CKLF: variants seen among roughly 807,000 people sequenced by gnomAD.
CKLF encodes chemokine like factor, also known as chemokine-like factor.
A neutral mutation model predicts 12.9 loss-of-function variants in CKLF; 16 were observed. That is an observed-to-expected ratio of 1.24 (90% CI 0.84 to 1.88). The LOEUF is 1.88. Among genes scored for constraint, CKLF ranks in the 40% most tolerant of loss-of-function variants. The pLI is 0.00. For synonymous variants in CKLF, 61 were observed against 69.0 expected (o/e 0.88, Z 0.57); for missense variants, 172 against 188.5 (o/e 0.91, Z 0.51).
Position 66,552,593 on chromosome 16 carries a change from G to C in CKLF, c.-123G>C, listed in dbSNP as rs879520049. 2 of 1,487,360 alleles carry C rather than the reference G, an allele frequency of 1.3e-6. No homozygotes were observed. The highest frequency in any genetic ancestry group is 2.8e-5 in the African/African-American group (2 of 72,194). 92.1% of individuals were successfully genotyped at this position (1,487,360 alleles called of 1,614,324 possible). A position where few individuals can be genotyped will look rare whatever the true frequency, so the allele number is the denominator to read the frequency against. ...CGCAAGAGAGCGGGAAGCCGAGCTGGGCGAGAAGTAGGGGAGGGCGGTGCT... is the reference window on the plus strand; with the variant it reads ...CGCAAGAGAGCGGGAAGCCGAGCTGCGCGAGAAGTAGGGGAGGGCGGTGCT... On this transcript the variant is annotated 5_prime_UTR_variant, in exon 1 of 4. Coordinates refer to ENST00000264001, the MANE Select transcript of CKLF (RefSeq NM_016951.4).
chr16:66,566,287 G>T (rs974529486), downstream of CKLF: 1 of 1,445,348 alleles, frequency 6.9e-7, no homozygotes, highest in Admixed American at 2.8e-5. This position sits in a 1 kb window ranked among gnomAD's most constrained non-coding sequence, Gnocchi z 4.9. Flanking sequence ...CGGCAGCTCC[G>T]AGGTGTGGGG....
chr16:66,558,897 CAT>C lies in CKLF; in HGVS notation c.237+553_237+554del, dbSNP rs745368547. Among the ~76,000 whole-genome samples the C allele has an allele frequency of 2.0e-5, 3 of 152,322 alleles. No individual in the cohort carries two copies. In the South Asian group the frequency reaches 6.2e-4, roughly 32 times the overall value. On this transcript the variant is annotated intron_variant, in intron 2 of 3. Transcript: ENST00000264001. ...TATATAGACTGTAACCTGCCATACT[CAT>C]ATAATTAGGAATAACTGCCCAGTGG...
intron 3 of CKLF, 138 bp downstream of exon 3, chr16:66,563,355 T>A: frequency 9.8e-7 from 1 of 1,016,832 alleles, no homozygotes; most frequent in Non-Finnish European, 1.4e-6. Context: ...CCTAGTGGCT[T>A]AATATTTTTG....
chr16:66,561,891 T>TA (rs1157653446), intron 2 of CKLF, among the ~76,000 whole-genome samples: 2 of 152,216 alleles, frequency 1.3e-5, no homozygotes, highest in Non-Finnish European at 2.9e-5. Context: ...ACATCCATTT[T>TA]AAAAATGTAA....
chr16:66,559,043 C>T (rs1024665588), intron 2 of CKLF, among the ~76,000 whole-genome samples: 1 of 152,146 alleles, frequency 6.6e-6, no homozygotes, highest in Admixed American at 6.5e-5. Flanking sequence ...GTGACTTCTC[C>T]TCTGTCCTCT....
At chr16:66,566,249 C>G, downstream of CKLF, 1 of 1,462,306 alleles carries the variant, frequency 6.8e-7, no homozygotes. The surrounding 1 kb of genome is among the most constrained non-coding windows in gnomAD (Gnocchi z 4.9). Flanking sequence ...CCTCAGGGAT[C>G]TTTGAATCTC....
intron 2 of CKLF, chr16:66,558,564 AT>A: frequency 2.1e-6 from 1 of 478,444 alleles, no homozygotes; most frequent in Non-Finnish European, 3.5e-6. Context: ...TGCACCATCT[AT>A]CAGTAGATGT....
chr16:66,560,802 C>T (rs1451345328), intron 2 of CKLF, among the ~76,000 whole-genome samples: 3 of 115,434 alleles, frequency 2.6e-5, no homozygotes, highest in East Asian at 4.5e-4. Flanking sequence ...TAAGTATACA[C>T]ACACACACAC....
At position 66,552,707 on chromosome 16, in the gene CKLF, G is replaced by C. The variant is rs769788170; in HGVS notation, c.-9G>C. The C allele has an allele frequency of 2.1e-5, 34 of 1,614,014 alleles. No homozygotes were observed. Among genetic ancestry groups the C allele is most frequent in the Admixed American group, 6.7e-5 (4 of 60,012 alleles). ...GAGGGAAAGTGCTGCTGCTGGGTCTGCAGACGCGATGGATAACGTGCAGCC... is the reference window on the plus strand; with the variant it reads ...GAGGGAAAGTGCTGCTGCTGGGTCTCCAGACGCGATGGATAACGTGCAGCC... On this transcript the variant is annotated 5_prime_UTR_variant, in exon 1 of 4. Transcript: ENST00000264001.
At chr16:66,552,873 A>G in intron 1 of CKLF, 80 bp downstream of exon 1, 1 of 1,599,708 alleles carries the variant, frequency 6.3e-7, no homozygotes, top group Non-Finnish European at 8.6e-7. Context: ...GCAAAGCTGA[A>G]CGCCTGTTTG....
chr16:66,562,996 G>A lies in CKLF; in HGVS notation c.238-126G>A, dbSNP rs1046141280. ...CTTCCAAAGTGCTGGGATTACAGGC[G>A]GGAGCCAGTGCATTCTGCCTGCTGA... is the stretch of plus-strand genomic sequence containing the variant. On this transcript the variant is annotated intron_variant, in intron 2 of 3. Transcript: ENST00000264001. 1.1e-4 allele frequency: 114 copies of A among 1,006,642 alleles called. 1 individual carries two copies. In the Admixed American group the frequency reaches 1.9e-3, roughly 17 times the overall value. The allele number at this position is 1,006,642 out of a possible 1,614,324, so 62.4% of individuals were successfully genotyped here.
intron 1 of CKLF, among the ~76,000 whole-genome samples, chr16:66,555,141 GCAGGAGAATCA>G (rs1352094251): frequency 1.3e-5 from 2 of 152,160 alleles, no homozygotes; most frequent in East Asian, 3.8e-4. Flanking sequence ...GGAGGCTGAG[GCAGGAGAATCA>G]CTGGAACCGG....
chr16:66,563,316 C>G (rs2011881842), intron 3 of CKLF, 99 bp downstream of exon 3: 1 of 1,393,066 alleles, frequency 7.2e-7, no homozygotes, highest in Admixed American at 2.3e-5. Flanking sequence ...CTATATTCAT[C>G]CTTGAGATTC....
At chr16:66,555,160 C>T (rs535657532) in intron 1 of CKLF, among the ~76,000 whole-genome samples, 159 of 152,142 alleles carry the variant, frequency 1.0e-3, no homozygotes, top group Admixed American at 2.0e-3. Flanking sequence ...TCACTGGAAC[C>T]GGAGAGACAG....
rs537629380 is a variant in CKLF at position 66,552,606 on chromosome 16, G to A, written c.-110G>A. The A allele has an allele frequency of 3.2e-6, 5 of 1,544,360 alleles. No homozygotes were observed. Among genetic ancestry groups the A allele is most frequent in the South Asian group, 2.3e-5 (2 of 87,094 alleles). On this transcript the variant is annotated 5_prime_UTR_variant, in exon 1 of 4. Coordinates refer to ENST00000264001, the MANE Select transcript of CKLF (RefSeq NM_016951.4). The stretch of plus-strand genomic sequence containing the variant: ...GAAGCCGAGCTGGGCGAGAAGTAGG[G>A]GAGGGCGGTGCTCCGCCGCGGTGGC...
chr16:66,552,640 T>A lies in CKLF; in HGVS notation c.-76T>A. ...TGCTCCGCCGCGGTGGCGGTTGCTA[T>A]CGCTTCGCAGAACCTACTCAGGCAG... On this transcript the variant is annotated 5_prime_UTR_variant, in exon 1 of 4. Transcript: ENST00000264001. 1 of 1,607,354 alleles carries A rather than the reference T, an allele frequency of 6.2e-7. No individual in the cohort carries two copies. The highest frequency in any genetic ancestry group is 8.5e-7 in the Non-Finnish European group (1 of 1,174,810).
intron 3 of CKLF, among the ~76,000 whole-genome samples, chr16:66,563,740 C>T (rs753663337): frequency 1.4e-4 from 22 of 152,144 alleles, no homozygotes; most frequent in Non-Finnish European, 2.5e-4. Flanking sequence ...ATTTTGAACC[C>T]GGCTTGAAGA....
Position 66,565,982 on chromosome 16 carries a change from C to T in CKLF, c.430C>T (p.Pro144Ser). 1.2e-6 allele frequency: 2 copies of T among 1,612,438 alleles called. No homozygotes were observed. The highest frequency in any genetic ancestry group is 1.7e-6 in the Non-Finnish European group (2 of 1,178,610). Reference protein sequence around the residue: ...FNPSGPYQKKPVHEKKEVL With the variant: ...FNPSGPYQKKSVHEKKEVL ...TCCCAGCGGTCCTTACCAGAAAAAGCCTGTGCATGAAAAAAAAGAAGTTTT... is the reference window on the plus strand; with the variant it reads ...TCCCAGCGGTCCTTACCAGAAAAAGTCTGTGCATGAAAAAAAAGAAGTTTT... Residue 144 changes from proline to serine, a missense_variant, in exon 4 of 4, where the codon CCT (proline) becomes TCT (serine). Physicochemically the swap from Pro to Ser is moderately conservative, Grantham distance 74 (BLOSUM62 -1). Coordinates refer to ENST00000264001, the MANE Select transcript of CKLF (RefSeq NM_016951.4).
intron 2 of CKLF, among the ~76,000 whole-genome samples, chr16:66,562,130 G>T (rs1184846964): frequency 2.6e-5 from 4 of 151,708 alleles, no homozygotes; most frequent in African/African-American, 9.7e-5. Flanking sequence ...ATTCCACCAG[G>T]CTGGAATGCA....
Sources: allele counts gnomAD v4.1 joint callset (sites outside exome capture counted in the v4.1 genomes callset), GRCh38; gene constraint gnomAD v4.1.1; non-coding constraint Gnocchi (gnomAD v3.1); transcripts MANE v1.5; gene names NCBI Gene and HGNC (gene_info 2026-07-23, HGNC 2026-07-21).